The following EIF2AK2 variants were observed in gnomAD, a reference collection of about 807,000 sequenced individuals.
EIF2AK2 encodes interferon-induced, double-stranded RNA-activated protein kinase.
Under a neutral mutation model 70.5 loss-of-function variants are expected in EIF2AK2, and 40 were observed. That is an observed-to-expected ratio of 0.57 (90% CI 0.44 to 0.74). The LOEUF is 0.74. EIF2AK2 is among the 30% of genes least tolerant of loss of function. The pLI, the probability that EIF2AK2 is intolerant of heterozygous loss-of-function variation, is 0.00. For synonymous variants in EIF2AK2, 198 were observed against 220.9 expected, an observed-to-expected ratio of 0.90 and a Z score of 0.92; for missense variants, 555 against 644.3, an observed-to-expected ratio of 0.86 and a Z score of 1.50.
chr2:37,130,537 G>T (rs1378570879), intron 10 of EIF2AK2, among the ~76,000 whole-genome samples: 2 of 152,172 alleles, frequency 1.3e-5, no homozygotes, highest in Admixed American at 6.5e-5. Flanking sequence ...TTGTCCTGTT[G>T]TCCCAAACCC....
At chr2:37,122,729 C>T (rs1031412717) in intron 11 of EIF2AK2, 65 bp from the exon 12 acceptor site, 1 of 1,588,638 alleles carries the variant, frequency 6.3e-7, no homozygotes, top group East Asian at 2.2e-5. Flanking sequence ...CCACAAAACA[C>T]CTCATGTAAT....
At chr2:37,146,373 C>T (rs1399235046) in intron 4 of EIF2AK2, among the ~76,000 whole-genome samples, 2 of 152,178 alleles carry the variant, frequency 1.3e-5, no homozygotes, top group East Asian at 1.9e-4. Context: ...TATGTAAATA[C>T]TATGCCATTT....
intron 14 of EIF2AK2, among the ~76,000 whole-genome samples, chr2:37,114,503 T>TA (rs988159455): frequency 3.3e-5 from 5 of 152,020 alleles, no homozygotes; most frequent in South Asian, 2.1e-4. Flanking sequence ...TATGTTTCTG[T>TA]AAAAAAAATC....
chr2:37,113,278 C>A (rs1315784130), intron 14 of EIF2AK2, among the ~76,000 whole-genome samples: 1 of 151,864 alleles, frequency 6.6e-6, no homozygotes, highest in Non-Finnish European at 1.5e-5. Context: ...GGTGGATTAC[C>A]TGAGGTCAGG....
Position 37,108,233 on chromosome 2 carries a change from T to G in EIF2AK2, c.1480-706A>C, listed in dbSNP as rs371724214. On this transcript the variant is annotated intron_variant, in intron 15 of 16. Coordinates refer to ENST00000233057, the MANE Select transcript of EIF2AK2 (RefSeq NM_001135651.3). ...GTCTAAGCAAGAAGGTCCACATTTT[T>G]TCCTCAAGTTAGCCCAACCTATCTT... is the stretch of plus-strand genomic sequence containing the variant. 3.8e-4 allele frequency among the ~76,000 whole-genome samples: 58 copies of G among 152,258 alleles called. 1 individual carries two copies. The highest frequency in any genetic ancestry group is 1.3e-3 in the African/African-American group (54 of 41,538).
intron 14 of EIF2AK2, among the ~76,000 whole-genome samples, chr2:37,110,172 G>A (rs1202552471): frequency 6.6e-6 from 1 of 151,792 alleles, no homozygotes; most frequent in Non-Finnish European, 1.5e-5. Flanking sequence ...CCAGGTTCAA[G>A]CAGTTCTCCT....
At chr2:37,121,490 T>C (rs911837634) in intron 12 of EIF2AK2, among the ~76,000 whole-genome samples, 2 of 151,938 alleles carry the variant, frequency 1.3e-5, no homozygotes, top group Admixed American at 6.6e-5. Context: ...TTAGACACTA[T>C]ATCCTTGCCG....
intron 5 of EIF2AK2, among the ~76,000 whole-genome samples, chr2:37,141,088 A>C (rs571762183): frequency 6.6e-6 from 1 of 152,356 alleles, no homozygotes; most frequent in South Asian, 2.1e-4. Context: ...GCTAAAGCTC[A>C]TTCCTTCTGA....
rs34321110 is a variant in EIF2AK2, at chr2:37,127,741, ATTT to A, written c.786-1333_786-1331del. Among the ~76,000 whole-genome samples the A allele has an allele frequency of 6.8e-3, 857 of 125,414 alleles. 6 individuals are homozygous for A. The highest frequency in any genetic ancestry group is 0.012 in the African/African-American group (393 of 33,776). 82.3% of individuals were successfully genotyped at this position (125,414 alleles called of 152,430 possible). On this transcript the variant is annotated intron_variant, in intron 10 of 16. Coordinates refer to ENST00000233057, the MANE Select transcript of EIF2AK2 (RefSeq NM_001135651.3). Reference sequence around the variant, plus strand: ...GCTCTGACCATAGTTTGTTCCTGCAATTTTTTTTTTTTTTTTTTTGAGACAGAG... The same window carrying A: ...GCTCTGACCATAGTTTGTTCCTGCAATTTTTTTTTTTTTTTTGAGACAGAG...
At chr2:37,112,592 C>T (rs1459746641) in intron 14 of EIF2AK2, among the ~76,000 whole-genome samples, 1 of 152,116 alleles carries the variant, frequency 6.6e-6, no homozygotes, top group Non-Finnish European at 1.5e-5. Context: ...GCAGGTCCTG[C>T]TGTTCAAATA....
chr2:37,136,065 C>T (rs933711873), intron 9 of EIF2AK2, among the ~76,000 whole-genome samples: 5 of 152,214 alleles, frequency 3.3e-5, no homozygotes, highest in Admixed American at 6.5e-5. Flanking sequence ...CCTTTTCCTC[C>T]TCCAGACTCA....
At chr2:37,107,599 G>C (rs757001466) in intron 15 of EIF2AK2, 72 bp from the exon 16 acceptor site, 40 of 1,488,324 alleles carry the variant, frequency 2.7e-5, no homozygotes, top group Non-Finnish European at 3.6e-5. Flanking sequence ...TAAAGGCTGA[G>C]GAATACCTGA....
rs1673814640 is a variant in EIF2AK2, at chr2:37,101,012, T to G, written c.*6261A>C. 2.0e-5 allele frequency: 3 copies of G among 152,210 alleles called. No homozygotes were observed. Among genetic ancestry groups the G allele is most frequent in the Admixed American group, 2.0e-4 (3 of 15,276 alleles). The allele number at this position is 152,210 out of a possible 1,614,324, so 9.4% of individuals were successfully genotyped here. ...ACTAACCTTCTAACAAACTTGGAGG[T>G]AATCTTTGATGCTTACCTTTCCTTA... is the stretch of plus-strand genomic sequence containing the variant. On this transcript the variant is annotated 3_prime_UTR_variant, in exon 17 of 17. Transcript: ENST00000233057.
At chr2:37,124,461 CA>C (rs1421153173) in intron 11 of EIF2AK2, among the ~76,000 whole-genome samples, 1 of 152,110 alleles carries the variant, frequency 6.6e-6, no homozygotes, top group African/African-American at 2.4e-5. Context: ...AGAGTTTCAC[CA>C]TGTTGGCCAG....
intron 10 of EIF2AK2, among the ~76,000 whole-genome samples, chr2:37,128,216 C>T (rs1674811702): frequency 6.6e-6 from 1 of 152,040 alleles, no homozygotes; most frequent in Admixed American, 6.6e-5. Flanking sequence ...ATTGAATGAC[C>T]CGCCCCACTG....
intron 4 of EIF2AK2, among the ~76,000 whole-genome samples, 176 bp downstream of exon 4, chr2:37,146,677 G>A (rs1229409945): frequency 6.6e-6 from 1 of 152,172 alleles, no homozygotes; most frequent in Non-Finnish European, 1.5e-5. Context: ...TGTCCTAGGT[G>A]TGGCTCTCAC....
At position 37,156,967 on chromosome 2, in the gene EIF2AK2, T is replaced by G. The variant is rs1441189171; in HGVS notation, c.-243A>C. Reference sequence around the variant, plus strand: ...CGGAGACCCGCGGCTTCGGGAGAGCTGGTTCTCAGTTTCGTTTTCCCCTTG... The same window carrying G: ...CGGAGACCCGCGGCTTCGGGAGAGCGGGTTCTCAGTTTCGTTTTCCCCTTG... On this transcript the variant is annotated 5_prime_UTR_variant, in exon 1 of 17. Coordinates refer to ENST00000233057, the MANE Select transcript of EIF2AK2 (RefSeq NM_001135651.3). The G allele has an allele frequency of 5.4e-6, 1 of 184,620 alleles. No homozygotes were observed. Among genetic ancestry groups the G allele is most frequent in the Non-Finnish European group, 1.1e-5 (1 of 92,906 alleles). The allele number at this position is 184,620 out of a possible 1,614,324, so 11.4% of individuals were successfully genotyped here.
rs1674720930 is a variant in EIF2AK2, at chr2:37,126,153, T to C, written c.908+136A>G. ...CATCTCGGAGTAAGCCAAACTCCTC[T>C]TGGTAGAATGAAATGTTTAATGAGG... On this transcript the variant is annotated intron_variant, in intron 11 of 16. Coordinates refer to ENST00000233057, the MANE Select transcript of EIF2AK2 (RefSeq NM_001135651.3). The C allele has an allele frequency of 6.6e-6, 8 of 1,214,088 alleles. No homozygotes were observed. The East Asian group carries it at 2.1e-4, about 31-fold the overall frequency. The allele number at this position is 1,214,088 out of a possible 1,614,324, so 75.2% of individuals were successfully genotyped here. A position where few individuals can be genotyped will look rare whatever the true frequency, so the allele number is the denominator to read the frequency against.
At position 37,138,535 on chromosome 2, in the gene EIF2AK2, T is replaced by C. The variant is rs755875576; in HGVS notation, c.567A>G (p.Gln189=). Residue 189 remains glutamine, a synonymous_variant, in exon 7 of 17, where the codon CAA becomes CAG. Coordinates refer to ENST00000233057, the MANE Select transcript of EIF2AK2 (RefSeq NM_001135651.3). ...SGSFATTCES[Q]SNSLVTSTLA... is the part of the protein sequence containing the mutation. ...GTGTGCTGGTCACTAAAGAGTTGCT[T>C]TGGGACTCACACGTAGTAGCAAAAG... 3.7e-6 allele frequency: 6 copies of C among 1,614,160 alleles called. No homozygotes were observed. The East Asian group carries it at 6.7e-5, about 18-fold the overall frequency.
Sources: gnomAD v4.1 joint callset for allele counts (sites outside exome capture counted in the v4.1 genomes callset) on GRCh38, gnomAD v4.1.1 for gene constraint, MANE v1.5 for transcripts, NCBI Gene and HGNC (gene_info 2026-07-23, HGNC 2026-07-21) for gene names.